SSH1: variants seen among roughly 807,000 people sequenced by gnomAD.
The protein encoded by SSH1 is protein phosphatase Slingshot homolog 1.
A neutral mutation model predicts 79.7 loss-of-function variants in SSH1; 43 were observed. That is an observed-to-expected ratio of 0.54 (90% CI 0.42 to 0.70). The LOEUF (loss-of-function observed/expected upper bound fraction) is 0.70. SSH1 is among the 30% of genes least tolerant of loss of function. The pLI is 0.00. For synonymous variants in SSH1, 599 were observed against 538.3 expected, an observed-to-expected ratio of 1.11 and a Z score of -1.56; for missense variants, 1,206 against 1,358.8, an observed-to-expected ratio of 0.89 and a Z score of 1.77.
At chr12:108,821,075 G>A (rs1287921635) in intron 3 of SSH1, among the ~76,000 whole-genome samples, 1 of 152,230 alleles carries the variant, frequency 6.6e-6, no homozygotes, top group African/African-American at 2.4e-5. Flanking sequence ...AGAATAATTA[G>A]CAAATTCAAG....
At chr12:108,839,399 G>A (rs1482176240) in intron 2 of SSH1, among the ~76,000 whole-genome samples, 2 of 152,308 alleles carry the variant, frequency 1.3e-5, no homozygotes, top group East Asian at 1.9e-4. Context: ...AGCGTGGCAC[G>A]GGTGGGCCTG....
At chr12:108,825,534 TAAG>T (rs2038279644) in intron 2 of SSH1, among the ~76,000 whole-genome samples, 1 of 152,242 alleles carries the variant, frequency 6.6e-6, no homozygotes, top group African/African-American at 2.4e-5. Context: ...AAATATTAAG[TAAG>T]AAGACTTAGT....
Position 108,809,677 on chromosome 12 carries a change from C to T in SSH1, c.536+16G>A, listed in dbSNP as rs565796647. On this transcript the variant is annotated intron_variant, in intron 7 of 14. Coordinates refer to ENST00000326495, the MANE Select transcript of SSH1 (RefSeq NM_018984.4). ...AATATTTCTAGGGAGTTAAAAGTCC[C>T]TAAAACCACACTTACCACATGGCCT... The T allele has an allele frequency of 8.6e-5, 139 of 1,612,236 alleles. 2 individuals are homozygous for T. In the South Asian group the frequency reaches 1.5e-3, roughly 17 times the overall value.
intron 2 of SSH1, among the ~76,000 whole-genome samples, chr12:108,834,602 C>T (rs1167976970): frequency 6.6e-6 from 1 of 152,158 alleles, no homozygotes; most frequent in African/African-American, 2.4e-5. Flanking sequence ...TTGTTATCCT[C>T]GGCAAAGGCG....
chr12:108,797,191 A>G (rs2036788019), intron 13 of SSH1, among the ~76,000 whole-genome samples: 1 of 152,064 alleles, frequency 6.6e-6, no homozygotes, highest in Admixed American at 6.5e-5. Context: ...CAGTGGCACA[A>G]TCTCGGCTCA....
intron 1 of SSH1, among the ~76,000 whole-genome samples, chr12:108,854,356 G>A (rs1405210715): frequency 1.3e-5 from 2 of 152,160 alleles, no homozygotes; most frequent in Non-Finnish European, 2.9e-5. Flanking sequence ...CACTTTGAAT[G>A]TTTCTCAGAA....
chr12:108,840,277 A>G (rs950788617), intron 2 of SSH1, among the ~76,000 whole-genome samples: 14 of 152,040 alleles, frequency 9.2e-5, no homozygotes, highest in Admixed American at 8.5e-4. Context: ...CATGCCTGTA[A>G]TCCCAGCACT....
Position 108,808,821 on chromosome 12 carries a change from C to CTTTTTTTT in SSH1, c.536+864_536+871dup, listed in dbSNP as rs148110288. On this transcript the variant is annotated intron_variant, in intron 7 of 14. Transcript: ENST00000326495. ...TTTATTTAGTCACCCTCTTTTACTT[C>CTTTTTTTT]TTTTTTTTTTTTTTTTTTTTTTTTT... Among the ~76,000 whole-genome samples the CTTTTTTTT allele has an allele frequency of 3.6e-4, 29 of 80,278 alleles. 1 individual carries two copies. Among genetic ancestry groups the CTTTTTTTT allele is most frequent in the Non-Finnish European group, 4.7e-4 (20 of 42,408 alleles). The allele number at this position is 80,278 out of a possible 152,430, so 52.7% of individuals were successfully genotyped here. A position where few individuals can be genotyped will look rare whatever the true frequency, so the allele number is the denominator to read the frequency against.
chr12:108,846,291 G>A (rs1337975045), intron 2 of SSH1, among the ~76,000 whole-genome samples: 1 of 151,990 alleles, frequency 6.6e-6, no homozygotes, highest in African/African-American at 2.4e-5. Context: ...ACTTGGAAAT[G>A]CTGGATTAAA....
Position 108,787,081 on chromosome 12 carries a change from TG to T in SSH1, c.*906del, listed in dbSNP as rs1239822025. The T allele has an allele frequency of 6.6e-6, 1 of 152,266 alleles. No homozygotes were observed. The highest frequency in any genetic ancestry group is 1.5e-5 in the Non-Finnish European group (1 of 68,066). 9.4% of individuals were successfully genotyped at this position (152,266 alleles called of 1,614,324 possible). A position where few individuals can be genotyped will look rare whatever the true frequency, so the allele number is the denominator to read the frequency against. On this transcript the variant is annotated 3_prime_UTR_variant, in exon 15 of 15. Transcript: ENST00000326495. ...ATGGGCCCTAGTGGACCTAAGCATC[TG>T]GGCTCTCAGCAGGACGATGTGTCTC...
At position 108,807,827 on chromosome 12, in the gene SSH1, C is replaced by T; in HGVS notation, c.537G>A (p.Trp179Ter). ...CCTTGTGAAGCACCTGCAGGGCAGA[C>T]CTGGGGCGAGGAGAAGACAGGGTCA... ...IFKPVSVQAM[W>*]SALQVLHKAC... The change falls in exon 8 of 15, where the codon TGG (tryptophan) becomes TGA (stop). Residue 179 changes from tryptophan (W) to a stop codon, truncating the protein, a stop_gained and splice_region_variant. Coordinates refer to ENST00000326495, the MANE Select transcript of SSH1 (RefSeq NM_018984.4). LOFTEE classifies it high-confidence loss of function. The surrounding 1 kb of genome is among the most constrained non-coding windows in gnomAD (Gnocchi z 5.2). 1 of 1,613,660 alleles carries T rather than the reference C, an allele frequency of 6.2e-7. No individual in the cohort carries two copies. The highest frequency in any genetic ancestry group is 8.5e-7 in the Non-Finnish European group (1 of 1,179,992).
intron 2 of SSH1, among the ~76,000 whole-genome samples, chr12:108,839,526 C>T (rs2038724613): frequency 6.6e-6 from 1 of 152,176 alleles, no homozygotes; most frequent in African/African-American, 2.4e-5. Flanking sequence ...TGGGGAAACA[C>T]GCCTCGAGGA....
At chr12:108,840,672 T>C (rs749123920) in intron 2 of SSH1, among the ~76,000 whole-genome samples, 65 of 152,230 alleles carry the variant, frequency 4.3e-4, no homozygotes, top group Non-Finnish European at 7.8e-4. Flanking sequence ...AATTTTCTAA[T>C]AAGCTGTCTA....
chr12:108,823,495 T>C, intron 2 of SSH1, 134 bp from the exon 3 acceptor site: 1 of 749,668 alleles, frequency 1.3e-6, no homozygotes, highest in East Asian at 2.7e-5. Flanking sequence ...ACTGCTTTTA[T>C]AATAATTCCA....
chr12:108,815,969 C>A (rs1237986431), intron 5 of SSH1, among the ~76,000 whole-genome samples: 1 of 152,212 alleles, frequency 6.6e-6, no homozygotes, highest in African/African-American at 2.4e-5. Context: ...CATACTGTTA[C>A]CGTGACACTC....
At chr12:108,815,261 T>A (rs1565995504) in intron 5 of SSH1, among the ~76,000 whole-genome samples, 5 of 152,166 alleles carry the variant, frequency 3.3e-5, no homozygotes. Flanking sequence ...GACTGTCATG[T>A]GTAAAATCTG....
chr12:108,827,276 A>T (rs544272507), intron 2 of SSH1: 1 of 1,550,172 alleles, frequency 6.5e-7, no homozygotes, highest in South Asian at 1.2e-5. Context: ...TTTGAGCTGG[A>T]AACCTCTGGA....
At position 108,788,935 on chromosome 12, in the gene SSH1, C is replaced by G; in HGVS notation, c.2203G>C (p.Glu735Gln). Reference sequence around the variant, plus strand: ...GGTTCCAAAAGGCTGGCTGGTGGCTCTAGGGCAGCTCCAGCCCCAGGGCCA... The same window carrying G: ...GGTTCCAAAAGGCTGGCTGGTGGCTGTAGGGCAGCTCCAGCCCCAGGGCCA... ...TSGPGAGAAL[E>Q]PPASLLEPSR... The change falls in exon 15 of 15, where the codon GAG becomes CAG. Residue 735 changes from glutamate (E) to glutamine (Q), a missense_variant. This residue lies in a region of SSH1 where 709 missense variants were observed against 730.6 expected (regional missense o/e 0.97). Transcript: ENST00000326495. 3 of 1,614,088 alleles carry G rather than the reference C, an allele frequency of 1.9e-6. No individual in the cohort carries two copies. The highest frequency in any genetic ancestry group is 2.5e-6 in the Non-Finnish European group (3 of 1,179,986).
rs572994289 is a variant in SSH1 at position 108,839,944 on chromosome 12, G to A, written c.110+12694C>T. Among the ~76,000 whole-genome samples, 11 of 152,264 alleles carry A rather than the reference G, an allele frequency of 7.2e-5. No individual in the cohort carries two copies. The East Asian group carries it at 1.7e-3, about 24-fold the overall frequency. ...CAAGACTCTCTGGAGGCCTCAGGAG[G>A]GCCCTGAGAGGAGGAAGGCAGGTGG... On this transcript the variant is annotated intron_variant, in intron 2 of 14. Coordinates refer to ENST00000326495, the MANE Select transcript of SSH1 (RefSeq NM_018984.4).
Sources: allele counts gnomAD v4.1 joint callset (sites outside exome capture counted in the v4.1 genomes callset), GRCh38; gene constraint gnomAD v4.1.1; regional missense constraint gnomAD v4.1.1; non-coding constraint Gnocchi (gnomAD v3.1); transcripts MANE v1.5; gene names NCBI Gene and HGNC (gene_info 2026-07-23, HGNC 2026-07-21).